The following ADRA1A variants were observed in gnomAD, a reference collection of about 807,000 sequenced individuals.
ADRA1A encodes alpha-1A adrenergic receptor.
Under a neutral mutation model 29.6 loss-of-function variants are expected in ADRA1A, and 31 were observed. The observed-to-expected ratio is 1.05, with a 90% confidence interval of 0.79 to 1.41. The LOEUF is 1.41. ADRA1A is among the 40% of genes most tolerant of loss of function. ADRA1A has a pLI of 0.00. For synonymous variants in ADRA1A, 311 were observed against 254.3 expected (o/e 1.22, Z -2.12); for missense variants, 619 against 601.1 (o/e 1.03, Z -0.31).
At chr8:26,847,888 C>T (rs1177893559) in intron 2 of ADRA1A, among the ~76,000 whole-genome samples, 1 of 152,244 alleles carries the variant, frequency 6.6e-6, no homozygotes, top group Non-Finnish European at 1.5e-5. Context: ...GTTCAGGACG[C>T]AGGGTTCCCT....
Position 26,770,602 on chromosome 8 carries a change from A to G in ADRA1A, c.948T>C (p.Tyr316=). 1 of 1,614,212 alleles carries G rather than the reference A, an allele frequency of 6.2e-7. No individual in the cohort carries two copies. The highest frequency in any genetic ancestry group is 1.1e-5 in the South Asian group (1 of 91,082). The change falls in exon 3 of 3, where the codon TAT becomes TAC. Residue 316 remains tyrosine (Y), a synonymous_variant. Transcript: ENST00000380573. ...TVFKIVFWLG[Y]LNSCINPIIY... ...TGATGGGGTTGATGCAGCTGTTTAG[A>G]TATCCGAGCCAAAATACTATTTTAA...
chr8:26,827,385 C>T (rs1338624449), intron 2 of ADRA1A, among the ~76,000 whole-genome samples: 2 of 152,210 alleles, frequency 1.3e-5, no homozygotes, highest in Admixed American at 6.5e-5. Flanking sequence ...CTTAATTTCT[C>T]TGAGTGTCTT....
At chr8:26,751,998 C>T (rs1236038994), downstream of ADRA1A, among the ~76,000 whole-genome samples, 3 of 152,202 alleles carry the variant, frequency 2.0e-5, no homozygotes, top group Admixed American at 6.5e-5. Context: ...CATCATGTCG[C>T]TACCTTGAAT....
At chr8:26,794,436 C>T (rs1808049879) in intron 2 of ADRA1A, among the ~76,000 whole-genome samples, 2 of 152,062 alleles carry the variant, frequency 1.3e-5, no homozygotes, top group African/African-American at 4.8e-5. Flanking sequence ...GATACAGGGC[C>T]AGATAGTAAA....
intron 2 of ADRA1A, among the ~76,000 whole-genome samples, chr8:26,794,830 A>C (rs1563258479): frequency 6.6e-6 from 1 of 152,044 alleles, no homozygotes; most frequent in South Asian, 2.1e-4. Flanking sequence ...ATTATTATGA[A>C]CAAGAAAGAG....
At chr8:26,791,736 T>C (rs1326581791) in intron 2 of ADRA1A, among the ~76,000 whole-genome samples, 1 of 152,204 alleles carries the variant, frequency 6.6e-6, no homozygotes, top group Non-Finnish European at 1.5e-5. Flanking sequence ...CTAACAAAGC[T>C]TTTGTATTCA....
At chr8:26,863,696 T>C (rs974751609) in intron 2 of ADRA1A, among the ~76,000 whole-genome samples, 2 of 152,172 alleles carry the variant, frequency 1.3e-5, no homozygotes, top group Non-Finnish European at 2.9e-5. Context: ...GAATTTGCAT[T>C]CTGTAGCAGA....
chr8:26,811,190 CT>C lies in ADRA1A; in HGVS notation c.884-40525del, dbSNP rs1226269478. Among the ~76,000 whole-genome samples, 13 of 142,820 alleles carry C rather than the reference CT, an allele frequency of 9.1e-5. 1 individual carries two copies. Among genetic ancestry groups the C allele is most frequent in the African/African-American group, 3.0e-4 (11 of 36,936 alleles). 93.7% of individuals were successfully genotyped at this position (142,820 alleles called of 152,430 possible). ...TGGGTCTCACTGTCTAGCTTTCTTT[CT>C]TTTCTTTTTTTTTTTTGTTGAGACG... On this transcript the variant is annotated intron_variant, in intron 2 of 2. Coordinates refer to ENST00000380573, the MANE Select transcript of ADRA1A (RefSeq NM_000680.4).
chr8:26,824,268 C>T (rs1308316160), intron 2 of ADRA1A, among the ~76,000 whole-genome samples: 1 of 151,890 alleles, frequency 6.6e-6, no homozygotes, highest in Non-Finnish European at 1.5e-5. Flanking sequence ...TGAAGTGACT[C>T]ATCCTGGGTA....
intron 2 of ADRA1A, among the ~76,000 whole-genome samples, chr8:26,807,616 G>A (rs2130519256): frequency 6.6e-6 from 1 of 152,316 alleles, no homozygotes; most frequent in South Asian, 2.1e-4. Flanking sequence ...GTGCATAAAG[G>A]TGCTTGGATG....
chr8:26,791,887 C>T (rs750323976), intron 2 of ADRA1A, among the ~76,000 whole-genome samples: 1 of 152,142 alleles, frequency 6.6e-6, no homozygotes, highest in Non-Finnish European at 1.5e-5. Context: ...CTAAAGGATA[C>T]TTCTGTCCCT....
rs201611660 is a variant in ADRA1A at position 26,864,748 on chromosome 8, C to T, written c.222G>A (p.Leu74=). The change falls in exon 2 of 3, where the codon CTG becomes CTA. Residue 74 remains leucine, a synonymous_variant. Transcript: ENST00000380573. The surrounding 1 kb of genome is among the most constrained non-coding windows in gnomAD (Gnocchi z 8.1). Reference sequence around the variant, plus strand: ...AGAAGGGCAGCACCGTGGAGGTGAGCAGGAGGTCGGCCACCGCCAGGTTGA... The same window carrying T: ...AGAAGGGCAGCACCGTGGAGGTGAGTAGGAGGTCGGCCACCGCCAGGTTGA... ...YIVNLAVADL[L]LTSTVLPFSA... is the part of the protein sequence containing the mutation. 7 of 1,614,092 alleles carry T rather than the reference C, an allele frequency of 4.3e-6. No homozygotes were observed. The highest frequency in any genetic ancestry group is 4.0e-5 in the African/African-American group (3 of 75,018).
chr8:26,862,056 A>C (rs192387593), intron 2 of ADRA1A, among the ~76,000 whole-genome samples: 9 of 152,214 alleles, frequency 5.9e-5, no homozygotes, highest in Non-Finnish European at 4.4e-5. Flanking sequence ...AATTAGAATA[A>C]TATGCAAACT....
At chr8:26,790,217 A>G (rs973492673) in intron 2 of ADRA1A, among the ~76,000 whole-genome samples, 9 of 152,224 alleles carry the variant, frequency 5.9e-5, no homozygotes, top group Admixed American at 5.2e-4. Flanking sequence ...AGTATTTATC[A>G]AAAGATGAAT....
At chr8:26,855,546 G>T (rs192247639) in intron 2 of ADRA1A, among the ~76,000 whole-genome samples, 2 of 152,202 alleles carry the variant, frequency 1.3e-5, no homozygotes, top group Non-Finnish European at 2.9e-5. Flanking sequence ...CACATGACAC[G>T]GGGAGGGGAA....
At chr8:26,856,306 A>C (rs1813040328) in intron 2 of ADRA1A, among the ~76,000 whole-genome samples, 1 of 152,220 alleles carries the variant, frequency 6.6e-6, no homozygotes, top group Non-Finnish European at 1.5e-5. Context: ...GGCAGGATAC[A>C]GCTCCCCTTG....
intron 2 of ADRA1A, among the ~76,000 whole-genome samples, chr8:26,749,594 A>G (rs879130362): frequency 6.6e-6 from 1 of 152,242 alleles, no homozygotes; most frequent in Non-Finnish European, 1.5e-5. Context: ...GATTGGTGAA[A>G]CTATTACTTT....
At chr8:26,780,734 AT>A (rs1461444040) in intron 2 of ADRA1A, among the ~76,000 whole-genome samples, 1 of 152,174 alleles carries the variant, frequency 6.6e-6, no homozygotes, top group Non-Finnish European at 1.5e-5. Context: ...TGTATTTAAA[AT>A]TTACAGCCTC....
chr8:26,773,619 A>T (rs1806333933), intron 2 of ADRA1A, among the ~76,000 whole-genome samples: 1 of 152,206 alleles, frequency 6.6e-6, no homozygotes, highest in Non-Finnish European at 1.5e-5. Context: ...TTCAATTTTT[A>T]AAAAAGAAAA....
Sources: gnomAD v4.1 joint callset for allele counts (sites outside exome capture counted in the v4.1 genomes callset) on GRCh38, gnomAD v4.1.1 for gene constraint, Gnocchi (gnomAD v3.1) non-coding constraint, MANE v1.5 for transcripts, NCBI Gene and HGNC (gene_info 2026-07-23, HGNC 2026-07-21) for gene names.